ABCA9: variants seen among roughly 807,000 people sequenced by gnomAD.
ABCA9 encodes the protein ATP binding cassette subfamily A member 9.
A neutral mutation model predicts 205.3 loss-of-function variants in ABCA9; 183 were observed. The observed-to-expected ratio is 0.89, with a 90% CI of 0.79 to 1.01. ABCA9 has a LOEUF of 1.01. Ranked by LOEUF, ABCA9 falls within the 50% of genes least tolerant of loss-of-function variation. The pLI is 0.00. For synonymous variants in ABCA9, 651 were observed against 683.3 expected, an observed-to-expected ratio of 0.95 and a Z score of 0.74; for missense variants, 1,805 against 1,912.4, an observed-to-expected ratio of 0.94 and a Z score of 1.05.
At position 69,002,635 on chromosome 17, in the gene ABCA9, G is replaced by A. The variant is rs1326294756; in HGVS notation, c.3435+5124C>T. Among the ~76,000 whole-genome samples the A allele has an allele frequency of 7.9e-5, 12 of 151,954 alleles. No individual in the cohort carries two copies. In the East Asian group the frequency reaches 1.9e-3, roughly 24 times the overall value. On this transcript the variant is annotated intron_variant, in intron 25 of 38. Transcript: ENST00000340001. Reference sequence around the variant, plus strand: ...AGTTCTGTAGATGTCTATTAGGTCCGCTTGGTGCAGGGCTGAGTTCAATTC... The same window carrying A: ...AGTTCTGTAGATGTCTATTAGGTCCACTTGGTGCAGGGCTGAGTTCAATTC...
intron 1 of ABCA9, among the ~76,000 whole-genome samples, chr17:69,057,098 G>A (rs1170898274): frequency 1.3e-5 from 2 of 152,160 alleles, no homozygotes; most frequent in Non-Finnish European, 2.9e-5. Flanking sequence ...CGCTTTTACT[G>A]TTGATAGAAA....
intron 8 of ABCA9, 123 bp from the exon 9 acceptor site, chr17:69,033,996 G>A: frequency 1.3e-6 from 1 of 774,316 alleles, no homozygotes; most frequent in South Asian, 1.9e-5. Context: ...TCTCTACAGA[G>A]CTCTGTCTAC....
chr17:69,019,112 C>T (rs1357442798), intron 19 of ABCA9, among the ~76,000 whole-genome samples: 1 of 152,056 alleles, frequency 6.6e-6, no homozygotes, highest in African/African-American at 2.4e-5. Flanking sequence ...TGCCTCCAAA[C>T]CTTGTTCTCT....
At position 68,989,159 on chromosome 17, in the gene ABCA9, C is replaced by T. The variant is rs12150262; in HGVS notation, c.3956-41G>A. 1.4e-4 allele frequency: 181 copies of T among 1,325,362 alleles called. No individual in the cohort carries two copies. In the Admixed American group the frequency reaches 2.4e-3, roughly 17 times the overall value. The allele number at this position is 1,325,362 out of a possible 1,614,324, so 82.1% of individuals were successfully genotyped here. On this transcript the variant is annotated intron_variant, in intron 30 of 38. Coordinates refer to ENST00000340001, the MANE Select transcript of ABCA9 (RefSeq NM_080283.4). ...ATGCTCAGAAATATACAAATAATTG[C>T]AACAAAAATAAAAGCAAATACCATT...
At chr17:68,995,864 A>G (rs376121955) in intron 26 of ABCA9, 31 bp downstream of exon 26, 2 of 1,611,416 alleles carry the variant, frequency 1.2e-6, no homozygotes, top group South Asian at 2.2e-5. Context: ...CACACATTTC[A>G]TGACCCTCAG....
At chr17:69,043,783 A>C in intron 5 of ABCA9, 68 bp from the exon 6 acceptor site, 1 of 1,261,598 alleles carries the variant, frequency 7.9e-7, no homozygotes. Flanking sequence ...TTTTTCTCTA[A>C]ATTATAAGGA....
At chr17:69,035,201 T>C (rs2071291827) in intron 8 of ABCA9, 45 bp downstream of exon 8, 1 of 1,419,882 alleles carries the variant, frequency 7.0e-7, no homozygotes, top group Non-Finnish European at 9.4e-7. Flanking sequence ...AGGGAATCTG[T>C]GTAGAACGGT....
the ABCA9 span, among the ~76,000 whole-genome samples, chr17:69,070,425 G>A: frequency 6.6e-6 from 1 of 152,118 alleles, no homozygotes; most frequent in African/African-American, 2.4e-5. Flanking sequence ...TTAGACAGTG[G>A]GTGCAGCCCA....
Position 69,049,336 on chromosome 17 carries a change from G to T in ABCA9, c.251C>A (p.Ser84Tyr), listed in dbSNP as rs868632511. The T allele has an allele frequency of 5.0e-6, 8 of 1,613,280 alleles. No homozygotes were observed. The highest frequency in any genetic ancestry group is 1.3e-5 in the African/African-American group (1 of 74,970). ...TNYVIAFAPE[S>Y]KTTQEIMNKV... is the part of the protein sequence containing the mutation. Reference sequence around the variant, plus strand: ...GTTCATTATCTCTTGGGTAGTTTTGGATTCAGGTGCAAATGCAATAACATA... The same window carrying T: ...GTTCATTATCTCTTGGGTAGTTTTGTATTCAGGTGCAAATGCAATAACATA... The change falls in exon 3 of 39, where the codon TCC becomes TAC. Residue 84 changes from serine (S) to tyrosine (Y), a missense_variant. Ser to Tyr is a moderately radical substitution (Grantham distance 144). Transcript: ENST00000340001.
intron 37 of ABCA9, among the ~76,000 whole-genome samples, chr17:68,977,807 G>A (rs1248019902): frequency 6.6e-6 from 1 of 152,196 alleles, no homozygotes; most frequent in Admixed American, 6.5e-5. Context: ...TTTGTACTTT[G>A]TGTCGTCTTC....
At chr17:69,073,637 C>G in the ABCA9 span, among the ~76,000 whole-genome samples, 7 of 152,138 alleles carry the variant, frequency 4.6e-5, no homozygotes, top group African/African-American at 1.7e-4. Context: ...AATGCCCACA[C>G]AAGAAAGCAG....
At chr17:68,992,889 A>T in intron 27 of ABCA9, 127 bp downstream of exon 27, 1 of 670,554 alleles carries the variant, frequency 1.5e-6, no homozygotes, top group South Asian at 1.8e-5. Flanking sequence ...ATGCATGTGC[A>T]TGTGTGTGTT....
At chr17:69,018,335 C>G in intron 20 of ABCA9, 78 bp downstream of exon 20, 2 of 1,268,704 alleles carry the variant, frequency 1.6e-6, no homozygotes, top group South Asian at 4.1e-5. Context: ...TTATTTTTTT[C>G]TTGGCTGTTC....
At chr17:68,985,332 A>C (rs574827112) in intron 32 of ABCA9, among the ~76,000 whole-genome samples, 8 of 152,288 alleles carry the variant, frequency 5.3e-5, no homozygotes, top group African/African-American at 1.9e-4. Context: ...TATTAAGAAT[A>C]ATCAGGCTGG....
In ABCA9 at chr17:69,012,103, G is replaced by C; in HGVS notation, c.3040-20C>G. 1 of 1,556,102 alleles carries C rather than the reference G, an allele frequency of 6.4e-7. No homozygotes were observed. Among genetic ancestry groups the C allele is most frequent in the South Asian group, 1.1e-5 (1 of 87,286 alleles). On this transcript the variant is annotated intron_variant, in intron 22 of 38. Transcript: ENST00000340001. ...ATGCTCCTGAAATCATGTGGAACAT[G>C]GTGAGCTGATGGCGATTGGGCATCT...
the ABCA9 span, among the ~76,000 whole-genome samples, chr17:69,067,482 G>A: frequency 6.6e-6 from 1 of 151,504 alleles, no homozygotes; most frequent in Non-Finnish European, 1.5e-5. Context: ...CTTGAGCCTG[G>A]GAGGTGGACG....
intron 9 of ABCA9, 38 bp downstream of exon 9, chr17:69,033,688 T>C: frequency 1.3e-6 from 2 of 1,536,682 alleles, no homozygotes; most frequent in Non-Finnish European, 1.8e-6. Context: ...CATGCAATTA[T>C]TGAAATTGTG....
chr17:69,051,001 A>C, intron 2 of ABCA9, 30 bp downstream of exon 2: 1 of 1,593,374 alleles, frequency 6.3e-7, no homozygotes, highest in Non-Finnish European at 8.6e-7. Flanking sequence ...CATCCTCTAA[A>C]TATGAGAACA....
chr17:69,043,803 A>C (rs2071626652), intron 5 of ABCA9, 88 bp from the exon 6 acceptor site: 1 of 1,110,668 alleles, frequency 9.0e-7, no homozygotes, highest in Admixed American at 2.5e-5. Flanking sequence ...AATCACGTAC[A>C]TTCTACATTT....
Sources: gnomAD v4.1 joint callset for allele counts (sites outside exome capture counted in the v4.1 genomes callset) on GRCh38, gnomAD v4.1.1 for gene constraint, MANE v1.5 for transcripts, NCBI Gene and HGNC (gene_info 2026-07-23, HGNC 2026-07-21) for gene names.